The following TFEC variants were observed in gnomAD, a reference collection of about 807,000 sequenced individuals.
TFEC encodes the protein transcription factor EC.
In TFEC, 31 loss-of-function variants were observed where a neutral mutation model predicts 41.6. That is an observed-to-expected ratio of 0.74 (90% CI 0.56 to 1.01). The LOEUF (loss-of-function observed/expected upper bound fraction) is 1.01. Ranked by LOEUF, TFEC falls within the 50% of genes least tolerant of loss-of-function variation. The pLI is 0.00. For missense variants in TFEC, 402 were observed against 404.1 expected, an observed-to-expected ratio of 0.99 and a Z score of 0.04; for synonymous variants, 143 against 140.6, an observed-to-expected ratio of 1.02 and a Z score of -0.12.
intron 3 of TFEC, among the ~76,000 whole-genome samples, chr7:116,101,310 A>AG (rs1331014181): frequency 5.3e-5 from 8 of 152,178 alleles, no homozygotes; most frequent in Middle Eastern, 3.4e-3. Context: ...ACAGCAAGAG[A>AG]GGAAAAAAAG....
At chr7:116,113,644 T>C (rs544065332) in intron 1 of TFEC, among the ~76,000 whole-genome samples, 1 of 152,034 alleles carries the variant, frequency 6.6e-6, no homozygotes, top group Non-Finnish European at 1.5e-5. Context: ...AGGTAAATAT[T>C]AATTTCAGCA....
At chr7:116,079,622 A>C (rs1797042116) in intron 3 of TFEC, among the ~76,000 whole-genome samples, 3 of 152,122 alleles carry the variant, frequency 2.0e-5, no homozygotes, top group African/African-American at 7.2e-5. Context: ...ATACCTAACC[A>C]AGAACTTGAA....
intron 2 of TFEC, among the ~76,000 whole-genome samples, chr7:115,977,842 C>T (rs1793453466): frequency 1.3e-5 from 2 of 151,666 alleles, no homozygotes; most frequent in Admixed American, 6.6e-5. Flanking sequence ...TGAGACCATA[C>T]TAAGGTAGAT....
At chr7:116,054,147 G>A (rs867076414) in intron 3 of TFEC, among the ~76,000 whole-genome samples, 3 of 152,078 alleles carry the variant, frequency 2.0e-5, no homozygotes, top group Non-Finnish European at 4.4e-5. Context: ...TACTGAATAA[G>A]GAGAGGATTA....
chr7:115,966,270 G>T (rs967122753), intron 3 of TFEC, among the ~76,000 whole-genome samples: 1 of 151,684 alleles, frequency 6.6e-6, no homozygotes, highest in Non-Finnish European at 1.5e-5. Context: ...CTGTGCCCAT[G>T]GCTCTCAACA....
At chr7:116,139,982 A>T (rs757724814) in intron 1 of TFEC, among the ~76,000 whole-genome samples, 2 of 152,228 alleles carry the variant, frequency 1.3e-5, no homozygotes, top group Non-Finnish European at 2.9e-5. Flanking sequence ...GGATAAACAA[A>T]GCAAAAGGGA....
chr7:116,080,724 C>T (rs1005605816), intron 3 of TFEC, among the ~76,000 whole-genome samples: 1 of 151,902 alleles, frequency 6.6e-6, no homozygotes, highest in Admixed American at 6.6e-5. Context: ...GAAAAGGGAA[C>T]ACTTAACTGT....
At chr7:116,095,745 T>C (rs1204261746) in intron 3 of TFEC, among the ~76,000 whole-genome samples, 1 of 152,182 alleles carries the variant, frequency 6.6e-6, no homozygotes, top group African/African-American at 2.4e-5. Context: ...CTACGTTTCC[T>C]TTTATTTTTT....
intron 1 of TFEC, among the ~76,000 whole-genome samples, chr7:115,987,555 C>T (rs1452120542): frequency 6.6e-6 from 1 of 152,110 alleles, no homozygotes; most frequent in East Asian, 1.9e-4. Flanking sequence ...AAGTGGTACA[C>T]TGAAGGTAGA....
At chr7:115,954,438 A>G (rs1375516506) in intron 5 of TFEC, 148 bp downstream of exon 5, 10 of 521,818 alleles carry the variant, frequency 1.9e-5, no homozygotes, top group Non-Finnish European at 3.3e-5. Flanking sequence ...CACATTGTTA[A>G]TATTTCCCAA....
intron 1 of TFEC, among the ~76,000 whole-genome samples, chr7:116,137,633 T>C (rs1469124083): frequency 6.6e-6 from 1 of 152,118 alleles, no homozygotes; most frequent in Admixed American, 6.6e-5. Flanking sequence ...TGGTAGTTAC[T>C]CTCTATTGAG....
intron 1 of TFEC, among the ~76,000 whole-genome samples, chr7:115,996,144 G>A (rs1226082367): frequency 2.6e-5 from 4 of 152,230 alleles, no homozygotes; most frequent in Middle Eastern, 6.8e-3. Flanking sequence ...CCCAACCTAA[G>A]GCAGCACAGC....
Position 116,017,209 on chromosome 7 carries a change from A to G in TFEC, c.-73+13424T>C, listed in dbSNP as rs533662366. Among the ~76,000 whole-genome samples, 240 of 152,122 alleles carry G rather than the reference A, an allele frequency of 1.6e-3. 3 individuals are homozygous for G. The South Asian group carries it at 0.048, about 30-fold the overall frequency. On this transcript the variant is annotated intron_variant, in intron 1 of 7. Coordinates refer to ENST00000265440, the MANE Select transcript of TFEC (RefSeq NM_012252.4). ...CTGTTCTCCCATCTAAAATCTTTCA[A>G]TTGCTTTCCATGTTTTTTTGTTTGT...
intron 1 of TFEC, among the ~76,000 whole-genome samples, chr7:116,153,415 C>T (rs1029981497): frequency 1.3e-5 from 2 of 152,140 alleles, no homozygotes; most frequent in Admixed American, 6.5e-5. Context: ...CCACCATGTC[C>T]GGCTAATTTT....
intron 3 of TFEC, among the ~76,000 whole-genome samples, chr7:116,055,949 G>A (rs967503306): frequency 1.3e-5 from 2 of 151,862 alleles, no homozygotes; most frequent in Non-Finnish European, 2.9e-5. Context: ...ACAGCTCTTA[G>A]AGATCACTTT....
intron 3 of TFEC, among the ~76,000 whole-genome samples, chr7:116,061,416 T>A (rs1171752355): frequency 6.6e-6 from 1 of 152,136 alleles, no homozygotes; most frequent in Non-Finnish European, 1.5e-5. Flanking sequence ...AAAAAATGAA[T>A]TTTTAATCCA....
chr7:115,940,338 A>T lies in TFEC; in HGVS notation c.*213T>A. 1 of 495,658 alleles carries T rather than the reference A, an allele frequency of 2.0e-6. No homozygotes were observed. The highest frequency in any genetic ancestry group is 3.5e-6 in the Non-Finnish European group (1 of 288,998). The allele number at this position is 495,658 out of a possible 1,614,324, so 30.7% of individuals were successfully genotyped here. On this transcript the variant is annotated 3_prime_UTR_variant, in exon 8 of 8. Transcript: ENST00000265440. ...TAAGTGGATTTGGACTCCGTAGTCA[A>T]AGAAGAAAACACCTTTTTTTCGCCC...
chr7:116,086,572 A>AC (rs531619389), intron 3 of TFEC, among the ~76,000 whole-genome samples: 15 of 151,272 alleles, frequency 9.9e-5, no homozygotes, highest in African/African-American at 2.9e-4. Context: ...CTTTATGAGT[A>AC]CCCCCCCACT....
intron 3 of TFEC, among the ~76,000 whole-genome samples, chr7:116,045,864 G>A (rs535373854): frequency 3.1e-4 from 47 of 152,332 alleles, no homozygotes; most frequent in African/African-American, 1.1e-3. Context: ...CCAAGACCAT[G>A]GGAACCCACT....
Sources: allele counts gnomAD v4.1 joint callset (sites outside exome capture counted in the v4.1 genomes callset), GRCh38; gene constraint gnomAD v4.1.1; transcripts MANE v1.5; gene names NCBI Gene and HGNC (gene_info 2026-07-23, HGNC 2026-07-21).